TBK1: variants seen among roughly 807,000 people sequenced by gnomAD.
TBK1 encodes serine/threonine-protein kinase TBK1.
TBK1 carries 37 observed loss-of-function variants against 99.9 expected under a neutral mutation model. That is an observed-to-expected ratio of 0.37 (90% CI 0.28 to 0.49). The LOEUF is 0.49. Ranked by LOEUF, TBK1 falls within the 20% of genes least tolerant of loss-of-function variation. The pLI is 0.98. For synonymous variants in TBK1, 258 were observed against 279.8 expected (o/e 0.92, Z 0.78); for missense variants, 644 against 872.5 (o/e 0.74, Z 3.30).
Position 64,464,364 on chromosome 12 carries a change from G to A in TBK1, c.259G>A (p.Glu87Lys). 6.2e-7 allele frequency: 1 copy of A among 1,600,522 alleles called. No homozygotes were observed. Among genetic ancestry groups the A allele is most frequent in the African/African-American group, 1.3e-5 (1 of 74,234 alleles). Residue 87 changes from glutamate to lysine, a missense_variant, in exon 4 of 21, where the codon GAA (glutamate) becomes AAA (lysine). By Grantham distance (56) the Glu-to-Lys change is moderately conservative (BLOSUM62 1). This residue lies in a region of TBK1 where 148 missense variants were observed against 202.1 expected (regional missense o/e 0.73). Coordinates refer to ENST00000331710, the MANE Select transcript of TBK1 (RefSeq NM_013254.4). ...TTTRHKVLIM[E>K]FCPCGSLYTV... Reference sequence around the variant, plus strand: ...AACAAGACATAAAGTACTTATTATGGAATTTTGTCCATGTGGGAGTTTATA... The same window carrying A: ...AACAAGACATAAAGTACTTATTATGAAATTTTGTCCATGTGGGAGTTTATA...
chr12:64,472,660 T>G (rs1372187248), intron 5 of TBK1, among the ~76,000 whole-genome samples: 2 of 2,192 alleles, frequency 9.1e-4, no homozygotes, highest in African/African-American at 1.3e-3. Context: ...GACTATGGTA[T>G]TAGTGCAGAG....
intron 6 of TBK1, among the ~76,000 whole-genome samples, chr12:64,475,884 A>G (rs577785961): frequency 2.0e-5 from 3 of 152,238 alleles, no homozygotes; most frequent in Non-Finnish European, 2.9e-5. Flanking sequence ...ATACCCAGCA[A>G]TGGGATTGCT....
chr12:64,463,716 A>G (rs1179938568), intron 3 of TBK1, among the ~76,000 whole-genome samples: 55 of 151,662 alleles, frequency 3.6e-4, no homozygotes, highest in African/African-American at 1.3e-3. Flanking sequence ...AAAAAAAAGA[A>G]AGGAATTTAA....
intron 13 of TBK1, among the ~76,000 whole-genome samples, chr12:64,492,048 A>G (rs560778388): frequency 6.6e-6 from 1 of 152,362 alleles, no homozygotes; most frequent in South Asian, 2.1e-4. Context: ...TAAGGTGATT[A>G]AAAGTCAGAA....
At chr12:64,500,359 C>T (rs540042126) in intron 20 of TBK1, among the ~76,000 whole-genome samples, 2 of 152,118 alleles carry the variant, frequency 1.3e-5, no homozygotes, top group Non-Finnish European at 1.5e-5. Flanking sequence ...ATTTTAGACA[C>T]TTAATCTTCT....
Position 64,467,087 on chromosome 12 carries a change from G to T in TBK1, c.540+5G>T. On this transcript the variant is annotated splice_donor_5th_base_variant and intron_variant, in intron 5 of 20. Transcript: ENST00000331710. ...TATGGCACAGAAGAATATTTGGTAAGTCATGTATCACTAATATTTTCATTT... is the reference window on the plus strand; with the variant it reads ...TATGGCACAGAAGAATATTTGGTAATTCATGTATCACTAATATTTTCATTT... 6.5e-7 allele frequency: 1 copy of T among 1,550,144 alleles called. No individual in the cohort carries two copies. The highest frequency in any genetic ancestry group is 8.7e-7 in the Non-Finnish European group (1 of 1,146,142).
intron 11 of TBK1, 111 bp from the exon 12 acceptor site, chr12:64,488,372 ATATC>A: frequency 1.8e-6 from 1 of 551,098 alleles, no homozygotes; most frequent in African/African-American, 2.0e-5. Flanking sequence ...GAATTGATGA[ATATC>A]ATGAATATTG....
intron 1 of TBK1, 89 bp from the exon 2 acceptor site, chr12:64,455,751 A>G: frequency 3.1e-6 from 2 of 652,318 alleles, no homozygotes; most frequent in Non-Finnish European, 5.4e-6. Context: ...ATAATGGGTG[A>G]TCTTACTTGA....
intron 6 of TBK1, among the ~76,000 whole-genome samples, chr12:64,476,004 C>G (rs1164658438): frequency 6.6e-6 from 1 of 152,086 alleles, no homozygotes; most frequent in Non-Finnish European, 1.5e-5. Context: ...TCCCTTTTCT[C>G]CACAACCTCA....
At chr12:64,487,244 G>A (rs2040828874) in intron 11 of TBK1, among the ~76,000 whole-genome samples, 3 of 152,138 alleles carry the variant, frequency 2.0e-5, no homozygotes, top group South Asian at 2.1e-4. Context: ...TGAATTTTGC[G>A]TACACATCAT....
chr12:64,463,698 C>CAAAAATATAA (rs2040572974), intron 3 of TBK1, among the ~76,000 whole-genome samples: 1 of 128,134 alleles, frequency 7.8e-6, no homozygotes, highest in Non-Finnish European at 1.6e-5. Flanking sequence ...GACTCTGTCT[C>CAAAAATATAA]AAAAAAAAAA....
Position 64,464,468 on chromosome 12 carries a change from G to GT in TBK1, c.358+8dup. The GT allele has an allele frequency of 1.9e-6, 3 of 1,562,114 alleles. No homozygotes were observed. Among genetic ancestry groups the GT allele is most frequent in the Non-Finnish European group, 2.6e-6 (3 of 1,155,832 alleles). On this transcript the variant is annotated splice_donor_region_variant and intron_variant, in intron 4 of 20. Transcript: ENST00000331710. Reference sequence around the variant, plus strand: ...TAATTGTTTTGCGAGATGTGGGTATGTTTGTTTATTTATATGATATCATTT... The same window carrying GT: ...TAATTGTTTTGCGAGATGTGGGTATGTTTTGTTTATTTATATGATATCATTT...
At chr12:64,497,125 A>G (rs1326693225) in intron 17 of TBK1, 38 bp from the exon 18 acceptor site, 2 of 1,584,852 alleles carry the variant, frequency 1.3e-6, no homozygotes, top group East Asian at 4.5e-5. Flanking sequence ...AGAATGCTTC[A>G]CTAGACTGCA....
At chr12:64,491,552 G>A (rs2040869865) in intron 13 of TBK1, among the ~76,000 whole-genome samples, 1 of 152,120 alleles carries the variant, frequency 6.6e-6, no homozygotes, top group African/African-American at 2.4e-5. Flanking sequence ...GAACCGAGGA[G>A]GCGAACGTTA....
At chr12:64,478,146 T>G (rs11832740) in intron 6 of TBK1, among the ~76,000 whole-genome samples, 6,109 of 152,234 alleles carry the variant, frequency 0.04, 401 homozygotes, top group African/African-American at 0.14. Flanking sequence ...GGCCCTATCT[T>G]TTGTTTTGTT....
intron 1 of TBK1, 117 bp from the exon 2 acceptor site, chr12:64,455,723 A>T (rs1053744809): frequency 1.6e-6 from 1 of 613,504 alleles, no homozygotes. Flanking sequence ...CTGTTTATAC[A>T]CTTCATGTCA....
At chr12:64,454,670 A>ATTTT (rs1565809913) in intron 1 of TBK1, among the ~76,000 whole-genome samples, 1 of 101,798 alleles carries the variant, frequency 9.8e-6, no homozygotes, top group Non-Finnish European at 1.9e-5. Flanking sequence ...AGAAACTCAG[A>ATTTT]TCTTTTTTTT....
At chr12:64,470,637 G>T (rs1020430066) in intron 5 of TBK1, among the ~76,000 whole-genome samples, 1 of 152,338 alleles carries the variant, frequency 6.6e-6, no homozygotes, top group East Asian at 1.9e-4. Context: ...ACTTGCACAA[G>T]TATCTGGCAG....
In TBK1 at chr12:64,496,413, A is replaced by G; in HGVS notation, c.1760+7A>G. 1 of 1,247,124 alleles carries G rather than the reference A, an allele frequency of 8.0e-7. No individual in the cohort carries two copies. The allele number at this position is 1,247,124 out of a possible 1,614,324, so 77.3% of individuals were successfully genotyped here. ...AAATCCACAAATTTGATAAGTAAGTATCCAGATTATGTTTAATAGTTATTT... is the reference window on the plus strand; with the variant it reads ...AAATCCACAAATTTGATAAGTAAGTGTCCAGATTATGTTTAATAGTTATTT... On this transcript the variant is annotated splice_region_variant and intron_variant, in intron 16 of 20. Coordinates refer to ENST00000331710, the MANE Select transcript of TBK1 (RefSeq NM_013254.4).
Sources: allele counts gnomAD v4.1 joint callset (sites outside exome capture counted in the v4.1 genomes callset), GRCh38; gene constraint gnomAD v4.1.1; regional missense constraint gnomAD v4.1.1; transcripts MANE v1.5; gene names NCBI Gene and HGNC (gene_info 2026-07-23, HGNC 2026-07-21).